MAPRE3: variants seen among roughly 807,000 people sequenced by gnomAD.
MAPRE3 encodes microtubule associated protein RP/EB family member 3, also known as microtubule-associated protein RP/EB family member 3.
A neutral mutation model predicts 30.5 loss-of-function variants in MAPRE3; 2 were observed. The ratio of observed to expected loss-of-function variants is 0.07; its 90% CI spans 0.03 to 0.21. MAPRE3 has a LOEUF of 0.21. MAPRE3 is among the 10% of genes least tolerant of loss of function. The probability of loss-of-function intolerance (pLI) is 1.00; values close to 1 mark genes in which losing one functional copy is unlikely to be tolerated. For missense variants in MAPRE3, 204 were observed against 351.8 expected (o/e 0.58, Z 3.36); for synonymous variants, 110 against 127.7 (o/e 0.86, Z 0.93).
At chr2:26,999,486 TTC>T (rs1666539036) in intron 1 of MAPRE3, among the ~76,000 whole-genome samples, 3 of 106,840 alleles carry the variant, frequency 2.8e-5, no homozygotes, top group African/African-American at 7.0e-5. Context: ...CTTTCCTTCT[TTC>T]TTTTTTTTTT....
chr2:27,023,516 T>C, intron 3 of MAPRE3, 39 bp downstream of exon 3: 1 of 1,611,838 alleles, frequency 6.2e-7, no homozygotes, highest in Non-Finnish European at 8.5e-7. Context: ...AGGAGCAGTG[T>C]GACCCTGGGG....
At chr2:27,026,208 C>T (rs897267756) in intron 6 of MAPRE3, 72 bp from the exon 7 acceptor site, 19 of 1,460,980 alleles carry the variant, frequency 1.3e-5, no homozygotes, top group Non-Finnish European at 1.8e-5. Flanking sequence ...TGCTCTTCAG[C>T]TACTTACAGA....
At chr2:27,023,997 C>CT in intron 3 of MAPRE3, 99 bp from the exon 4 acceptor site, 1 of 910,182 alleles carries the variant, frequency 1.1e-6, no homozygotes, top group Non-Finnish European at 1.8e-6. Flanking sequence ...ACGCTGCAGC[C>CT]CAGGGGCTGG....
intron 1 of MAPRE3, among the ~76,000 whole-genome samples, chr2:26,993,581 A>T (rs1326097814): frequency 6.6e-6 from 1 of 152,074 alleles, no homozygotes; most frequent in Non-Finnish European, 1.5e-5. Flanking sequence ...GATAGAAAAA[A>T]TTCCTGTTGA....
chr2:27,006,014 CTACTAAAAA>C, intron 1 of MAPRE3, among the ~76,000 whole-genome samples: 1 of 152,120 alleles, frequency 6.6e-6, no homozygotes, highest in Non-Finnish European at 1.5e-5. Flanking sequence ...AACCCCGTCT[CTACTAAAAA>C]TACAAAAAAT....
intron 1 of MAPRE3, among the ~76,000 whole-genome samples, chr2:26,988,543 G>A (rs1054229687): frequency 6.6e-5 from 10 of 152,294 alleles, no homozygotes; most frequent in African/African-American, 1.9e-4. Context: ...GGAGATGAGG[G>A]AAAACTGCAA....
chr2:27,019,475 C>T (rs964640934), intron 1 of MAPRE3, among the ~76,000 whole-genome samples: 1 of 152,120 alleles, frequency 6.6e-6, no homozygotes, highest in Non-Finnish European at 1.5e-5. Context: ...CGTTACTGAA[C>T]GTCTTGCCTG....
intron 1 of MAPRE3, among the ~76,000 whole-genome samples, chr2:26,983,542 T>C (rs1434085215): frequency 6.6e-6 from 1 of 152,222 alleles, no homozygotes; most frequent in African/African-American, 2.4e-5. Context: ...CGAAGGGTAT[T>C]GAGAACTCAG....
Position 26,986,874 on chromosome 2 carries a change from T to C in MAPRE3, c.-8+16072T>C, listed in dbSNP as rs1666234493. 6.6e-6 allele frequency: 1 copy of C among 152,264 alleles called. No homozygotes were observed. Among genetic ancestry groups the C allele is most frequent in the Non-Finnish European group, 1.5e-5 (1 of 68,132 alleles). The allele number at this position is 152,264 out of a possible 1,614,324, so 9.4% of individuals were successfully genotyped here. A position where few individuals can be genotyped will look rare whatever the true frequency, so the allele number is the denominator to read the frequency against. ...TGGAGAGTGAGAGGGCTGTGGGAGA[T>C]GCTATGGAAGATGGAAATGGTGCTT... On this transcript the variant is annotated intron_variant, in intron 1 of 6. Coordinates refer to ENST00000233121, the MANE Select transcript of MAPRE3 (RefSeq NM_012326.4). This position sits in a 1 kb window ranked among gnomAD's most constrained non-coding sequence, Gnocchi z 4.2.
rs1666963039 is a variant in MAPRE3, at chr2:27,015,496, AG to A, written c.-7-6714del. On this transcript the variant is annotated intron_variant, in intron 1 of 6. Coordinates refer to ENST00000233121, the MANE Select transcript of MAPRE3 (RefSeq NM_012326.4). The surrounding 1 kb of genome is among the most constrained non-coding windows in gnomAD (Gnocchi z 4.0). The stretch of plus-strand genomic sequence containing the variant: ...TGGAGGCATGCTGGCCACCTCCTTC[AG>A]GACTGGTAGACCTGGTGTGTCTTTC... Among the ~76,000 whole-genome samples the A allele has an allele frequency of 6.6e-6, 1 of 152,134 alleles. No homozygotes were observed. The highest frequency in any genetic ancestry group is 1.5e-5 in the Non-Finnish European group (1 of 68,014).
rs192970335 is a variant in MAPRE3 at position 27,024,827 on chromosome 2, A to G, written c.469+530A>G. Among the ~76,000 whole-genome samples the G allele has an allele frequency of 1.5e-3, 235 of 152,220 alleles. 1 individual carries two copies. The highest frequency in any genetic ancestry group is 5.5e-3 in the African/African-American group (227 of 41,540). On this transcript the variant is annotated intron_variant, in intron 4 of 6. Transcript: ENST00000233121. ...TCCTGGAGGGGAAGGGAGAAAAGCAATAGGGCCTTTGGGAAGCAGCAGCGT... is the reference window on the plus strand; with the variant it reads ...TCCTGGAGGGGAAGGGAGAAAAGCAGTAGGGCCTTTGGGAAGCAGCAGCGT...
intron 1 of MAPRE3, chr2:27,013,693 G>C (rs1396245136): frequency 1.3e-5 from 2 of 152,246 alleles, no homozygotes; most frequent in Non-Finnish European, 2.9e-5. Flanking sequence ...CTTTCTGCCT[G>C]AGGCAGCAGA....
intron 1 of MAPRE3, chr2:27,002,713 G>A (rs1666627299): frequency 6.6e-6 from 1 of 152,254 alleles, no homozygotes; most frequent in Non-Finnish European, 1.5e-5. Context: ...CCCTTGTGCT[G>A]ATGGGCACTG....
At chr2:27,026,174 A>C (rs1667236860) in intron 6 of MAPRE3, 106 bp from the exon 7 acceptor site, 2 of 1,384,392 alleles carry the variant, frequency 1.4e-6, no homozygotes, top group African/African-American at 1.4e-5. Flanking sequence ...ACCCATTAGC[A>C]GGGCTCCTGG....
chr2:27,017,834 A>G (rs1490138298), intron 1 of MAPRE3, among the ~76,000 whole-genome samples: 2 of 152,134 alleles, frequency 1.3e-5, no homozygotes, highest in African/African-American at 2.4e-5. Flanking sequence ...ATATGTGCAT[A>G]TAACATATAA....
intron 1 of MAPRE3, among the ~76,000 whole-genome samples, chr2:26,979,822 T>G (rs547876676): frequency 6.6e-6 from 1 of 152,080 alleles, no homozygotes; most frequent in African/African-American, 2.4e-5. Flanking sequence ...AACCAGAAAT[T>G]AGGAAGTTTG....
intron 1 of MAPRE3, chr2:27,011,968 G>A (rs1666868999): frequency 6.6e-6 from 1 of 151,880 alleles, no homozygotes; most frequent in African/African-American, 2.4e-5. Flanking sequence ...CCAACACTTT[G>A]GGAGGCCGAG....
intron 1 of MAPRE3, chr2:26,984,841 G>A (rs545013203): frequency 2.0e-5 from 3 of 152,344 alleles, no homozygotes; most frequent in Admixed American, 1.3e-4. Context: ...CATGCAGAAC[G>A]CACTTCCCAT....
At chr2:26,980,253 A>C (rs1337961910) in intron 1 of MAPRE3, among the ~76,000 whole-genome samples, 1 of 152,178 alleles carries the variant, frequency 6.6e-6, no homozygotes, top group African/African-American at 2.4e-5. Flanking sequence ...AAAACACTGG[A>C]GTGGTTTAAG....
Sources: allele counts gnomAD v4.1 joint callset (sites outside exome capture counted in the v4.1 genomes callset), GRCh38; gene constraint gnomAD v4.1.1; non-coding constraint Gnocchi (gnomAD v3.1); transcripts MANE v1.5; gene names NCBI Gene and HGNC (gene_info 2026-07-23, HGNC 2026-07-21).